NPR3: variants seen among roughly 807,000 people sequenced by gnomAD.
The protein encoded by NPR3 is natriuretic peptide receptor 3.
Under a neutral mutation model 54.5 loss-of-function variants are expected in NPR3, and 34 were observed. That is an observed-to-expected ratio of 0.62 (90% CI 0.47 to 0.83). The LOEUF (loss-of-function observed/expected upper bound fraction) is 0.83. NPR3 is among the 40% of genes least tolerant of loss of function. NPR3 has a pLI of 0.00. For synonymous variants in NPR3, 289 were observed against 297.1 expected (o/e 0.97, Z 0.28); for missense variants, 674 against 720.8 (o/e 0.94, Z 0.74).
In NPR3 at chr5:32,711,886, G is replaced by T. The variant is rs1465265130; in HGVS notation, c.110G>T (p.Gly37Val). The T allele has an allele frequency of 1.4e-6, 2 of 1,474,732 alleles. No homozygotes were observed. Among genetic ancestry groups the T allele is most frequent in the Middle Eastern group, 1.8e-4 (1 of 5,640 alleles). 91.4% of individuals were successfully genotyped at this position (1,474,732 alleles called of 1,614,324 possible). The change falls in exon 1 of 8, where the codon GGC becomes GTC. Residue 37 changes from glycine (G) to valine (V), a missense_variant. Coordinates refer to ENST00000265074, the MANE Select transcript of NPR3 (RefSeq NM_001204375.2). ...GGVGGGGGGA[G>V]IGGGRQEREA... ...GTTGGCGGCGGCGGCGGTGGCGCGG[G>T]CATAGGCGGCGGACGCCAGGAGAGA...
chr5:32,756,284 T>A (rs902565231), intron 3 of NPR3, among the ~76,000 whole-genome samples: 1 of 152,244 alleles, frequency 6.6e-6, no homozygotes, highest in Non-Finnish European at 1.5e-5. Context: ...GACTTTTTAA[T>A]GATCACCATT....
intron 3 of NPR3, among the ~76,000 whole-genome samples, chr5:32,743,769 G>C (rs911756945): frequency 3.9e-5 from 6 of 152,024 alleles, no homozygotes; most frequent in African/African-American, 1.4e-4. Context: ...GTTTCCCTCA[G>C]CTTGGGTGCT....
In NPR3 at chr5:32,780,825, G is replaced by A. The variant is rs750007024; in HGVS notation, c.1290+9G>A. 7.7e-6 allele frequency: 10 copies of A among 1,300,474 alleles called. No individual in the cohort carries two copies. The African/African-American group carries it at 8.7e-5, about 11-fold the overall frequency. The allele number at this position is 1,300,474 out of a possible 1,614,324, so 80.6% of individuals were successfully genotyped here. A position where few individuals can be genotyped will look rare whatever the true frequency, so the allele number is the denominator to read the frequency against. ...AGGCGGGCACCCAGGAGGTGAGCAC[G>A]TGAGACCTCTGCACCAGTTGCTCCT... On this transcript the variant is annotated intron_variant, in intron 5 of 7. Coordinates refer to ENST00000265074, the MANE Select transcript of NPR3 (RefSeq NM_001204375.2).
intron 1 of NPR3, among the ~76,000 whole-genome samples, chr5:32,691,730 C>A (rs2111802036): frequency 6.6e-6 from 1 of 152,312 alleles, no homozygotes; most frequent in African/African-American, 2.4e-5. Context: ...GGAAAATGCT[C>A]ACGTAAGTCT....
chr5:32,778,950 AG>A (rs1156265446), intron 4 of NPR3, among the ~76,000 whole-genome samples: 3 of 152,218 alleles, frequency 2.0e-5, no homozygotes, highest in Admixed American at 6.5e-5. Context: ...ATCACTTAAG[AG>A]TTTTATAGGC....
chr5:32,712,820 T>G (rs1434081568), intron 1 of NPR3, among the ~76,000 whole-genome samples: 1 of 152,178 alleles, frequency 6.6e-6, no homozygotes, highest in Non-Finnish European at 1.5e-5. Flanking sequence ...TGTCAAACAC[T>G]TCGATGTTTT....
At chr5:32,741,748 T>C (rs982223952) in intron 3 of NPR3, among the ~76,000 whole-genome samples, 3 of 151,602 alleles carry the variant, frequency 2.0e-5, no homozygotes, top group African/African-American at 7.3e-5. Flanking sequence ...TTTGTATGTA[T>C]GTAGGTTTTA....
At chr5:32,771,524 GC>G (rs1579691021) in intron 3 of NPR3, among the ~76,000 whole-genome samples, 1 of 152,172 alleles carries the variant, frequency 6.6e-6, no homozygotes, top group East Asian at 1.9e-4. Flanking sequence ...AGCTCAGAGG[GC>G]ATGTCAAGAA....
chr5:32,729,461 C>T (rs1055913267), intron 2 of NPR3, among the ~76,000 whole-genome samples: 2 of 152,188 alleles, frequency 1.3e-5, no homozygotes, highest in African/African-American at 4.8e-5. Flanking sequence ...GATTAGGAAG[C>T]TTAATCTGTA....
At chr5:32,705,260 G>C (rs1737955846), upstream of NPR3, among the ~76,000 whole-genome samples, 1 of 152,198 alleles carries the variant, frequency 6.6e-6, no homozygotes. Flanking sequence ...AGATAATGTT[G>C]ATAATGAAGC....
At chr5:32,784,552 C>A (rs1284556538) in intron 6 of NPR3, among the ~76,000 whole-genome samples, 1 of 152,182 alleles carries the variant, frequency 6.6e-6, no homozygotes, top group Non-Finnish European at 1.5e-5. Context: ...TGTGTCCACT[C>A]TCTTAATAGT....
chr5:32,742,068 G>A (rs1345773452), intron 3 of NPR3, among the ~76,000 whole-genome samples: 2 of 151,770 alleles, frequency 1.3e-5, no homozygotes, highest in African/African-American at 4.8e-5. Flanking sequence ...GGAGTCTGGG[G>A]TCTTCTCTCT....
intron 1 of NPR3, among the ~76,000 whole-genome samples, chr5:32,702,003 C>T (rs1737820443): frequency 6.6e-6 from 1 of 152,178 alleles, no homozygotes; most frequent in Admixed American, 6.5e-5. Context: ...GTGGGTATTG[C>T]CCAAGGTCTG....
At chr5:32,744,106 C>A (rs1740176056) in intron 3 of NPR3, among the ~76,000 whole-genome samples, 1 of 151,340 alleles carries the variant, frequency 6.6e-6, no homozygotes, top group African/African-American at 2.4e-5. Flanking sequence ...GATTCTCCTG[C>A]CTCAGCCTCC....
At position 32,783,009 on chromosome 5, in the gene NPR3, C is replaced by A. The variant is rs750067218; in HGVS notation, c.1407C>A (p.Asn469Lys). ...AAAACCGAATTGTAGAGCATACAAA[C>A]AGCTCTCCCTGCAAATCATGTAAGT... ...IDENRIVEHT[N>K]SSPCKSSGGL... The change falls in exon 6 of 8, where the codon AAC (asparagine) becomes AAA (lysine). Residue 469 changes from asparagine (N) to lysine (K), a missense_variant. Physicochemically the swap from Asn to Lys is moderately conservative, Grantham distance 94 (BLOSUM62 0). Transcript: ENST00000265074. 1.2e-5 allele frequency: 20 copies of A among 1,602,456 alleles called. No individual in the cohort carries two copies. The East Asian group carries it at 4.0e-4, about 32-fold the overall frequency.
At chr5:32,741,763 G>A (rs1017105605) in intron 3 of NPR3, among the ~76,000 whole-genome samples, 17 of 148,720 alleles carry the variant, frequency 1.1e-4, no homozygotes, top group Non-Finnish European at 2.2e-4. Flanking sequence ...GTTTTAGTGG[G>A]GCTTTTTCTT....
intron 3 of NPR3, among the ~76,000 whole-genome samples, chr5:32,760,075 T>C (rs758787180): frequency 1.3e-5 from 2 of 152,114 alleles, no homozygotes; most frequent in Non-Finnish European, 2.9e-5. Context: ...AGTAATACTA[T>C]GTTGTTTAAA....
intron 2 of NPR3, among the ~76,000 whole-genome samples, chr5:32,731,805 G>C (rs1405585921): frequency 6.6e-6 from 1 of 152,150 alleles, no homozygotes; most frequent in Non-Finnish European, 1.5e-5. Context: ...CAGTTGTAGT[G>C]ATTTTAAACA....
At chr5:32,724,371 A>G (rs1252384268) in intron 1 of NPR3, among the ~76,000 whole-genome samples, 1 of 152,208 alleles carries the variant, frequency 6.6e-6, no homozygotes, top group Non-Finnish European at 1.5e-5. Flanking sequence ...GATTTTCTAC[A>G]GACCATCCCC....
Sources: allele counts gnomAD v4.1 joint callset (sites outside exome capture counted in the v4.1 genomes callset), GRCh38; gene constraint gnomAD v4.1.1; transcripts MANE v1.5; gene names NCBI Gene and HGNC (gene_info 2026-07-23, HGNC 2026-07-21).